NFATC1: variants seen among roughly 807,000 people sequenced by gnomAD.
NFATC1 encodes the protein nuclear factor of activated T cells 1.
Under a neutral mutation model 76.0 loss-of-function variants are expected in NFATC1, and 22 were observed. The ratio of observed to expected loss-of-function variants is 0.29; its 90% CI spans 0.21 to 0.41. The LOEUF (loss-of-function observed/expected upper bound fraction) is 0.41, where lower values mean the gene tolerates loss of function less well. Ranked by LOEUF, NFATC1 falls within the 10% of genes least tolerant of loss-of-function variation. The pLI is 1.00. For synonymous variants in NFATC1, 704 were observed against 613.1 expected, an observed-to-expected ratio of 1.15 and a Z score of -2.19; for missense variants, 1,357 against 1,337.7, an observed-to-expected ratio of 1.01 and a Z score of -0.23.
At chr18:79,426,319 C>T (rs77069608) in intron 2 of NFATC1, among the ~76,000 whole-genome samples, 16,054 of 152,056 alleles carry the variant, frequency 0.11, 1,094 homozygotes, top group Non-Finnish European at 0.15. Context: ...ATCCCTCACG[C>T]CCTTCCCAGG....
chr18:79,511,061 C>T (rs887238764), intron 9 of NFATC1, among the ~76,000 whole-genome samples: 1 of 152,346 alleles, frequency 6.6e-6, no homozygotes, highest in East Asian at 1.9e-4. Flanking sequence ...TGCCCTGGGC[C>T]AGCCCCGCTG....
chr18:79,495,002 C>T (rs988038932), intron 9 of NFATC1, among the ~76,000 whole-genome samples: 9 of 152,246 alleles, frequency 5.9e-5, no homozygotes, highest in South Asian at 4.1e-4. Flanking sequence ...CTGGTGCGGC[C>T]GGGTGAGCAT....
chr18:79,417,081 G>T (rs2085902238), intron 2 of NFATC1, among the ~76,000 whole-genome samples: 1 of 152,254 alleles, frequency 6.6e-6, no homozygotes, highest in Admixed American at 6.5e-5. Context: ...TCCCCAGGAA[G>T]CCCTCAGCTG....
At position 79,467,655 on chromosome 18, in the gene NFATC1, A is replaced by C. The variant is rs1333662077; in HGVS notation, c.2092+73A>C. ...TGCTTTTTCTAAAGACGCAGAAACGACGTCGCCGTAAAGCAGCGTGGCGTG... is the reference window on the plus strand; with the variant it reads ...TGCTTTTTCTAAAGACGCAGAAACGCCGTCGCCGTAAAGCAGCGTGGCGTG... On this transcript the variant is annotated intron_variant, in intron 8 of 9. Transcript: ENST00000427363. 1.9e-6 allele frequency: 3 copies of C among 1,594,290 alleles called. No homozygotes were observed. The South Asian group carries it at 3.4e-5, about 18-fold the overall frequency.
intron 9 of NFATC1, among the ~76,000 whole-genome samples, chr18:79,492,704 A>G (rs1388871102): frequency 9.7e-5 from 14 of 144,860 alleles, no homozygotes; most frequent in South Asian, 2.2e-4. Flanking sequence ...GCGAGACTCC[A>G]TCTCAAAAAA....
intron 8 of NFATC1, among the ~76,000 whole-genome samples, chr18:79,474,917 A>G (rs2088984916): frequency 1.5e-5 from 2 of 130,320 alleles, no homozygotes; most frequent in African/African-American, 6.2e-5. Context: ...GCGTGTTCTC[A>G]CGCTCGCTGT....
intron 8 of NFATC1, chr18:79,470,821 T>G (rs1255063604): frequency 3.9e-5 from 6 of 152,236 alleles, no homozygotes; most frequent in Non-Finnish European, 8.8e-5. Context: ...GGCATCTGAG[T>G]GCAGGGGGCC....
intron 9 of NFATC1, among the ~76,000 whole-genome samples, chr18:79,507,686 C>T (rs981933011): frequency 1.3e-5 from 2 of 152,342 alleles, no homozygotes; most frequent in Non-Finnish European, 2.9e-5. Context: ...GAAAGGACAC[C>T]AGGCTTCTGC....
intron 8 of NFATC1, among the ~76,000 whole-genome samples, chr18:79,473,448 TCTC>T (rs2088868600): frequency 6.6e-6 from 1 of 152,046 alleles, no homozygotes; most frequent in African/African-American, 2.4e-5. Flanking sequence ...GGAAGCGTGT[TCTC>T]AGCTCATTGT....
At position 79,426,546 on chromosome 18, in the gene NFATC1, G is replaced by A. The variant is rs531118171; in HGVS notation, c.1227-7033G>A. Among the ~76,000 whole-genome samples the A allele has an allele frequency of 9.9e-5, 15 of 151,970 alleles. No homozygotes were observed. The East Asian group carries it at 2.9e-3, about 30-fold the overall frequency. Reference sequence around the variant, plus strand: ...GGCAGGTGTTTCCATTTGACCTGTGGGCTCACACTCGGCAGTTCTGGGCCC... The same window carrying A: ...GGCAGGTGTTTCCATTTGACCTGTGAGCTCACACTCGGCAGTTCTGGGCCC... On this transcript the variant is annotated intron_variant, in intron 2 of 9. Transcript: ENST00000427363.
rs760973609 is a variant in NFATC1, at chr18:79,486,875, C to A, written c.2720C>A (p.Ala907Asp). 1 of 1,611,204 alleles carries A rather than the reference C, an allele frequency of 6.2e-7. No individual in the cohort carries two copies. The highest frequency in any genetic ancestry group is 1.1e-5 in the South Asian group (1 of 90,926). ...EVHEDGSPNL[A>D]PIPVTVKREP... ...CATGAGGACGGTAGTCCTAATTTGG[C>A]CCCTATTCCTGTAACGGTCAAGCGA... The change falls in exon 9 of 10, where the codon GCC becomes GAC. Residue 907 changes from alanine (A) to aspartate (D), a missense_variant. Around this residue, in one of 3 missense-constraint regions of NFATC1, gnomAD observed 424 missense variants for 395.4 expected, o/e 1.07. Transcript: ENST00000427363.
At chr18:79,480,506 C>G (rs1245387332) in intron 8 of NFATC1, among the ~76,000 whole-genome samples, 1 of 152,190 alleles carries the variant, frequency 6.6e-6, no homozygotes, top group Non-Finnish European at 1.5e-5. Flanking sequence ...AGGTGGGTCG[C>G]GTGTCCCAGA....
At chr18:79,522,265 G>A (rs1184095301) in intron 9 of NFATC1, among the ~76,000 whole-genome samples, 2 of 140,580 alleles carry the variant, frequency 1.4e-5, no homozygotes, top group Admixed American at 7.1e-5. Context: ...TGTGTGTTTT[G>A]TGTGTAGAGG....
intron 1 of NFATC1, among the ~76,000 whole-genome samples, chr18:79,400,003 C>G (rs1291385066): frequency 3.3e-5 from 5 of 152,060 alleles, no homozygotes; most frequent in African/African-American, 1.2e-4. Flanking sequence ...TTCCGTCGCC[C>G]TGGGCGCAGC....
chr18:79,406,112 G>T (rs908856616), intron 1 of NFATC1, among the ~76,000 whole-genome samples: 2 of 152,218 alleles, frequency 1.3e-5, no homozygotes, highest in African/African-American at 4.8e-5. Context: ...GCCAGTTCAG[G>T]GCTGAGTCCT....
intron 1 of NFATC1, among the ~76,000 whole-genome samples, chr18:79,409,452 TCCA>T (rs998550382): frequency 5.5e-4 from 84 of 151,794 alleles, no homozygotes; most frequent in African/African-American, 2.0e-3. Flanking sequence ...CATCCATTCA[TCCA>T]CCATTTACCT....
At chr18:79,425,843 T>G (rs1196843430) in intron 2 of NFATC1, among the ~76,000 whole-genome samples, 2 of 152,134 alleles carry the variant, frequency 1.3e-5, no homozygotes, top group African/African-American at 4.8e-5. Flanking sequence ...CAGAGCAAAG[T>G]TTCTCATTTT....
Position 79,529,137 on chromosome 18 carries a change from T to C in NFATC1, c.*1560T>C, listed in dbSNP as rs2090839782. On this transcript the variant is annotated 3_prime_UTR_variant, in exon 10 of 10. Coordinates refer to ENST00000427363, the MANE Select transcript of NFATC1 (RefSeq NM_001278669.2). The stretch of plus-strand genomic sequence containing the variant: ...AACAACCTGAAGGCCATCCCGTCGG[T>C]CTGCACGTAACCGTGAAGACGTGTG... 6.6e-6 allele frequency: 1 copy of C among 152,278 alleles called. No individual in the cohort carries two copies. Among genetic ancestry groups the C allele is most frequent in the African/African-American group, 2.4e-5 (1 of 41,462 alleles). The allele number at this position is 152,278 out of a possible 1,614,324, so 9.4% of individuals were successfully genotyped here.
Position 79,486,341 on chromosome 18 carries a change from A to G in NFATC1, c.2186A>G (p.Tyr729Cys), listed in dbSNP as rs1268008396. The G allele has an allele frequency of 2.5e-6, 4 of 1,613,006 alleles. No individual in the cohort carries two copies. In the African/African-American group the frequency reaches 4.0e-5, roughly 16 times the overall value. Residue 729 changes from tyrosine (Y) to cysteine (C), a missense_variant, in exon 9 of 10, where the codon TAC becomes TGC. Around this residue, in one of 3 missense-constraint regions of NFATC1, gnomAD observed 424 missense variants for 395.4 expected, o/e 1.07. Coordinates refer to ENST00000427363, the MANE Select transcript of NFATC1 (RefSeq NM_001278669.2). ...SQGLSPLPRP[Y>C]YSQQLAMPPD... is the part of the protein sequence containing the mutation. ...GGGTTAAGTCCTCTCCCAAGACCAT[A>G]CTACAGCCAGCAGCTCGCGATGCCA... is the stretch of plus-strand genomic sequence containing the variant.
Sources: gnomAD v4.1 joint callset for allele counts (sites outside exome capture counted in the v4.1 genomes callset) on GRCh38, gnomAD v4.1.1 for gene constraint, gnomAD v4.1.1 regional missense constraint, MANE v1.5 for transcripts, NCBI Gene and HGNC (gene_info 2026-07-23, HGNC 2026-07-21) for gene names.